ADI1: variants seen among roughly 807,000 people sequenced by gnomAD.
ADI1 encodes acireductone dioxygenase 1, also known as acireductone dioxygenase.
ADI1 carries 21 observed loss-of-function variants against 18.7 expected under a neutral mutation model. That is an observed-to-expected ratio of 1.13 (90% CI 0.80 to 1.62). The LOEUF is 1.62. ADI1 is among the 40% of genes most tolerant of loss of function. The probability of loss-of-function intolerance (pLI) is 0.00; values close to 1 mark genes in which losing one functional copy is unlikely to be tolerated. For synonymous variants in ADI1, 90 were observed against 100.1 expected (o/e 0.90, Z 0.60); for missense variants, 245 against 254.9 (o/e 0.96, Z 0.26).
At chr2:3,518,736 GATA>G (rs1667463365) in intron 1 of ADI1, among the ~76,000 whole-genome samples, 2 of 151,976 alleles carry the variant, frequency 1.3e-5, no homozygotes, top group African/African-American at 4.8e-5. Flanking sequence ...CCCTTCCTCC[GATA>G]GAAGAAACCC....
In ADI1 at chr2:3,506,321, G is replaced by T. The variant is rs546853752; in HGVS notation, c.241-5328C>A. On this transcript the variant is annotated intron_variant, in intron 2 of 3. Transcript: ENST00000327435. ...AATCCAAAAGAATCAACAAAGAAAA[G>T]CTCCTGGAACTAACAAGCAATCATG... is the stretch of plus-strand genomic sequence containing the variant. Among the ~76,000 whole-genome samples the T allele has an allele frequency of 2.6e-5, 4 of 152,308 alleles. No individual in the cohort carries two copies. In the East Asian group the frequency reaches 7.7e-4, roughly 29 times the overall value.
chr2:3,515,388 A>AT (rs1361436981), intron 1 of ADI1: 2 of 152,408 alleles, frequency 1.3e-5, no homozygotes, highest in African/African-American at 2.4e-5. Flanking sequence ...CCTCAGGCTT[A>AT]CTAAGGTGGG....
At chr2:3,510,416 A>C (rs978427374) in intron 2 of ADI1, among the ~76,000 whole-genome samples, 1 of 152,182 alleles carries the variant, frequency 6.6e-6, no homozygotes, top group African/African-American at 2.4e-5. Context: ...AAAAGAGCAA[A>C]TTAAAACATG....
At chr2:3,511,930 G>A (rs937702885) in intron 2 of ADI1, among the ~76,000 whole-genome samples, 17 of 152,198 alleles carry the variant, frequency 1.1e-4, no homozygotes, top group African/African-American at 3.9e-4. Flanking sequence ...CATGCCCTAG[G>A]GATCTGCGGA....
chr2:3,517,871 T>C (rs983681852), intron 1 of ADI1: 1 of 152,182 alleles, frequency 6.6e-6, no homozygotes, highest in Non-Finnish European at 1.5e-5. Context: ...GGAAAAACTA[T>C]GTTTGAGCCC....
At position 3,500,909 on chromosome 2, in the gene ADI1, C is replaced by A; in HGVS notation, c.325G>T (p.Asp109Tyr). ...ATCCGGATCCACTGGTCCTCCTTGTCCCTCACATCGAAGTACCCACTGCCA... is the reference window on the plus strand; with the variant it reads ...ATCCGGATCCACTGGTCCTCCTTGTACCTCACATCGAAGTACCCACTGCCA... ...LDGSGYFDVR[D>Y]KEDQWIRIFM... The change falls in exon 3 of 4, where the codon GAC (aspartate) becomes TAC (tyrosine). Residue 109 changes from aspartate to tyrosine, a missense_variant. By Grantham distance (160) the Asp-to-Tyr change is radical. Coordinates refer to ENST00000327435, the MANE Select transcript of ADI1 (RefSeq NM_018269.4). The A allele has an allele frequency of 6.2e-7, 1 of 1,614,224 alleles. No homozygotes were observed. The highest frequency in any genetic ancestry group is 1.1e-5 in the South Asian group (1 of 91,090).
chr2:3,501,307 C>T (rs1207975993), intron 2 of ADI1, among the ~76,000 whole-genome samples: 1 of 152,164 alleles, frequency 6.6e-6, no homozygotes, highest in African/African-American at 2.4e-5. Context: ...CTCTATCAGC[C>T]CCGTTTTACA....
In ADI1 at chr2:3,519,496, G is replaced by T. The variant is rs1333355920; in HGVS notation, c.-9C>A. On this transcript the variant is annotated 5_prime_UTR_variant, in exon 1 of 4. In the 5' UTR this introduces an upstream ATG that the reference lacks. Coordinates refer to ENST00000327435, the MANE Select transcript of ADI1 (RefSeq NM_018269.4). ...TACCAGGCCTGCACCATGACGCGCAGTGCGGGTGCCGTGTTCGAACCCAGG... is the reference window on the plus strand; with the variant it reads ...TACCAGGCCTGCACCATGACGCGCATTGCGGGTGCCGTGTTCGAACCCAGG... 7.8e-7 allele frequency: 1 copy of T among 1,280,162 alleles called. No individual in the cohort carries two copies. The highest frequency in any genetic ancestry group is 9.9e-7 in the Non-Finnish European group (1 of 1,010,832). The allele number at this position is 1,280,162 out of a possible 1,614,324, so 79.3% of individuals were successfully genotyped here.
Position 3,513,925 on chromosome 2 carries a change from C to G in ADI1, c.172G>C (p.Glu58Gln), listed in dbSNP as rs771170216. The change falls in exon 2 of 4, where the codon GAG (glutamate) becomes CAG (glutamine). Residue 58 changes from glutamate to glutamine, a missense_variant. Physicochemically the swap from Glu to Gln is conservative, Grantham distance 29. Coordinates refer to ENST00000327435, the MANE Select transcript of ADI1 (RefSeq NM_018269.4). The part of the protein sequence containing the change: ...NDPELEKIRR[E>Q]RNYSWMDIIT... The stretch of plus-strand genomic sequence containing the variant: ...ATGTCCATCCAGGAGTAGTTCCTCT[C>G]TCTTCGGATCTTTTCTAATTCTGGA... The G allele has an allele frequency of 6.2e-7, 1 of 1,612,428 alleles. No individual in the cohort carries two copies. The highest frequency in any genetic ancestry group is 8.5e-7 in the Non-Finnish European group (1 of 1,179,714).
chr2:3,513,916 A>G lies in ADI1; in HGVS notation c.181T>C (p.Tyr61His). 6.2e-7 allele frequency: 1 copy of G among 1,612,454 alleles called. No individual in the cohort carries two copies. The highest frequency in any genetic ancestry group is 8.5e-7 in the Non-Finnish European group (1 of 1,179,686). ...ATGGTTATGATGTCCATCCAGGAGT[A>G]GTTCCTCTCTCTTCGGATCTTTTCT... ...ELEKIRRERN[Y>H]SWMDIITICK... The change falls in exon 2 of 4, where the codon TAC (tyrosine) becomes CAC (histidine). Residue 61 changes from tyrosine to histidine, a missense_variant. Tyr to His is a moderately conservative substitution (Grantham distance 83). Transcript: ENST00000327435.
intron 1 of ADI1, 42 bp from the exon 2 acceptor site, chr2:3,514,018 AAGG>A: frequency 6.4e-7 from 1 of 1,559,878 alleles, no homozygotes. Context: ...TCAGATTAAC[AAGG>A]AGATGTAGAA....
intron 1 of ADI1, chr2:3,516,630 G>T: frequency 1.4e-6 from 1 of 737,182 alleles, no homozygotes; most frequent in Non-Finnish European, 1.7e-6. Context: ...GGACTTCTTA[G>T]CCTCTAGAAC....
chr2:3,513,828 CT>C (rs1558429416), intron 2 of ADI1, 28 bp downstream of exon 2: 3 of 1,574,386 alleles, frequency 1.9e-6, no homozygotes, highest in Non-Finnish European at 2.6e-6. Context: ...AATGATACTT[CT>C]TTTCCAGGTA....
In ADI1 at chr2:3,519,521, G is replaced by A. The variant is rs2103217693; in HGVS notation, c.-34C>T. The A allele has an allele frequency of 8.0e-7, 1 of 1,256,570 alleles. No homozygotes were observed. Among genetic ancestry groups the A allele is most frequent in the Non-Finnish European group, 1.0e-6 (1 of 999,160 alleles). 77.8% of individuals were successfully genotyped at this position (1,256,570 alleles called of 1,614,324 possible). On this transcript the variant is annotated 5_prime_UTR_variant, in exon 1 of 4. Coordinates refer to ENST00000327435, the MANE Select transcript of ADI1 (RefSeq NM_018269.4). Reference sequence around the variant, plus strand: ...GTGCGGGTGCCGTGTTCGAACCCAGGGGCCGCGCTCGGAGCCCGTCGGCCG... The same window carrying A: ...GTGCGGGTGCCGTGTTCGAACCCAGAGGCCGCGCTCGGAGCCCGTCGGCCG...
At chr2:3,514,684 C>T (rs906611374) in intron 1 of ADI1, 41 of 1,278,080 alleles carry the variant, frequency 3.2e-5, no homozygotes, top group African/African-American at 1.4e-4. Context: ...TCCTTCCTGA[C>T]GAAGCACTTC....
intron 3 of ADI1, among the ~76,000 whole-genome samples, chr2:3,499,459 A>G (rs9309719): frequency 0.99 from 151,280 of 152,332 alleles, 75,121 homozygotes; most frequent in Middle Eastern, 1. Flanking sequence ...CAGGGCCCAC[A>G]TGTTGCTGGT....
rs568193763 is a variant in ADI1, at chr2:3,500,653, C to T, written c.420+161G>A. ...GAAGGACAGCTGTCACCTCGGACAT[C>T]GCCTGCGGCTCCACAGACTCTCCTT... is the stretch of plus-strand genomic sequence containing the variant. On this transcript the variant is annotated intron_variant, in intron 3 of 3. Transcript: ENST00000327435. 59 of 941,418 alleles carry T rather than the reference C, an allele frequency of 6.3e-5. No individual in the cohort carries two copies. In the South Asian group the frequency reaches 6.5e-4, roughly 10 times the overall value. The allele number at this position is 941,418 out of a possible 1,614,324, so 58.3% of individuals were successfully genotyped here.
At chr2:3,511,736 A>C (rs1388441194) in intron 2 of ADI1, among the ~76,000 whole-genome samples, 1 of 152,234 alleles carries the variant, frequency 6.6e-6, no homozygotes, top group East Asian at 1.9e-4. Context: ...AGAAGGAGAC[A>C]GGAAGATGAG....
chr2:3,504,928 G>A (rs1257662881), intron 2 of ADI1, among the ~76,000 whole-genome samples: 1 of 152,002 alleles, frequency 6.6e-6, no homozygotes, highest in Non-Finnish European at 1.5e-5. Context: ...TGTTTGCATT[G>A]TCAGTTCACC....
Sources: gnomAD v4.1 joint callset for allele counts (sites outside exome capture counted in the v4.1 genomes callset) on GRCh38, gnomAD v4.1.1 for gene constraint, MANE v1.5 for transcripts, NCBI Gene and HGNC (gene_info 2026-07-23, HGNC 2026-07-21) for gene names.